Variants in GIGYF2 observed in about 807,000 individuals in gnomAD.
GIGYF2 encodes GRB10-interacting GYF protein 2.
In GIGYF2, 25 loss-of-function variants were observed where a neutral mutation model predicts 208.1. The observed-to-expected ratio is 0.12, with a 90% confidence interval of 0.09 to 0.17. The LOEUF (loss-of-function observed/expected upper bound fraction) is 0.17. Among genes scored for constraint, GIGYF2 ranks in the 10% least tolerant of loss-of-function variants. The pLI is 1.00. For synonymous variants in GIGYF2, 534 were observed against 543.8 expected (o/e 0.98, Z 0.25); for missense variants, 1,302 against 1,579.4 (o/e 0.82, Z 2.98).
intron 21 of GIGYF2, among the ~76,000 whole-genome samples, chr2:232,823,025 G>T (rs1701141136): frequency 6.6e-6 from 1 of 152,056 alleles, no homozygotes; most frequent in Non-Finnish European, 1.5e-5. Flanking sequence ...TTTCTTTCCA[G>T]TCCTAGTTTA....
intron 2 of GIGYF2, among the ~76,000 whole-genome samples, chr2:232,715,835 T>TTTTA (rs11399343): frequency 6.6e-6 from 1 of 151,648 alleles, no homozygotes; most frequent in South Asian, 2.1e-4. Context: ...TTTTTTTTTT[T>TTTTA]AACCTTAAAA....
rs572213109 is a variant in GIGYF2, at chr2:232,806,745, A to G, written c.1806+88A>G. On this transcript the variant is annotated intron_variant, in intron 15 of 28. Transcript: ENST00000373563. The surrounding 1 kb of genome is among the most constrained non-coding windows in gnomAD (Gnocchi z 4.0). The stretch of plus-strand genomic sequence containing the variant: ...AAACACAACCCAAATATATCATCTA[A>G]TGAAGGAATTGTAGTTCTTTGAAAT... The G allele has an allele frequency of 1.1e-6, 1 of 914,624 alleles. No homozygotes were observed. Among genetic ancestry groups the G allele is most frequent in the Non-Finnish European group, 1.8e-6 (1 of 546,750 alleles). 56.7% of individuals were successfully genotyped at this position (914,624 alleles called of 1,614,324 possible).
intron 14 of GIGYF2, among the ~76,000 whole-genome samples, chr2:232,800,899 A>G (rs1700377408): frequency 6.6e-6 from 1 of 151,568 alleles, no homozygotes; most frequent in Non-Finnish European, 1.5e-5. Context: ...TTTTTTTGAG[A>G]CAGAGCCTTG....
intron 5 of GIGYF2, among the ~76,000 whole-genome samples, chr2:232,752,634 G>A (rs937794131): frequency 2.6e-5 from 4 of 151,846 alleles, no homozygotes; most frequent in African/African-American, 7.3e-5. Context: ...TCTGCTTCTC[G>A]GGTTCACGCC....
chr2:232,745,294 G>A (rs1033919954), intron 3 of GIGYF2, among the ~76,000 whole-genome samples: 1 of 152,040 alleles, frequency 6.6e-6, no homozygotes, highest in Non-Finnish European at 1.5e-5. Context: ...GTGAATCCAG[G>A]GCTCCCTGGA....
intron 3 of GIGYF2, chr2:232,735,836 C>A (rs538060154): frequency 3.0e-6 from 3 of 985,356 alleles, no homozygotes; most frequent in East Asian, 2.3e-4. Flanking sequence ...GCTTCCCCCC[C>A]TCCCCTCCTT....
chr2:232,784,890 C>T (rs1689598295), intron 8 of GIGYF2, among the ~76,000 whole-genome samples: 2 of 151,968 alleles, frequency 1.3e-5, no homozygotes, highest in South Asian at 4.2e-4. Context: ...CCCTCATCCC[C>T]TCCCCACTGT....
chr2:232,795,208 A>G (rs1173008911), intron 13 of GIGYF2, among the ~76,000 whole-genome samples: 2 of 152,250 alleles, frequency 1.3e-5, no homozygotes, highest in African/African-American at 4.8e-5. Flanking sequence ...CTTTTTGGAC[A>G]TTAATGGAAT....
At chr2:232,765,113 T>C (rs372214631) in intron 8 of GIGYF2, among the ~76,000 whole-genome samples, 6 of 152,340 alleles carry the variant, frequency 3.9e-5, no homozygotes, top group East Asian at 3.9e-4. Flanking sequence ...ATAGTCACTT[T>C]GATTGAATGC....
intron 8 of GIGYF2, chr2:232,782,792 T>C (rs1386858047): frequency 2.0e-5 from 3 of 152,178 alleles, no homozygotes; most frequent in Non-Finnish European, 4.4e-5. Context: ...TATTCCATTT[T>C]ATAAAAAAGT....
At position 232,780,292 on chromosome 2, in the gene GIGYF2, C is replaced by G. The variant is rs554613859; in HGVS notation, c.533-6858C>G. Among the ~76,000 whole-genome samples, 7 of 152,246 alleles carry G rather than the reference C, an allele frequency of 4.6e-5. No individual in the cohort carries two copies. In the East Asian group the frequency reaches 1.4e-3, roughly 29 times the overall value. ...ATTTAATTTAATTTTTAGATGAATC[C>G]TATTTGGACTTAATAAACTAAGATT... On this transcript the variant is annotated intron_variant, in intron 8 of 28. Transcript: ENST00000373563.
At chr2:232,845,924 C>T (rs1701986428) in intron 26 of GIGYF2, 38 bp downstream of exon 26, 10 of 1,374,676 alleles carry the variant, frequency 7.3e-6, no homozygotes, top group South Asian at 1.2e-5. Context: ...TGTGGAATGA[C>T]AGAGCAGGAC....
At chr2:232,717,361 A>T (rs1696733877) in intron 2 of GIGYF2, among the ~76,000 whole-genome samples, 1 of 152,150 alleles carries the variant, frequency 6.6e-6, no homozygotes, top group Non-Finnish European at 1.5e-5. Flanking sequence ...AAATACATGC[A>T]CAAATGTGAA....
chr2:232,845,824 A>G lies in GIGYF2; in HGVS notation c.3398A>G (p.Asp1133Gly), dbSNP rs1701982138. 2 of 1,613,518 alleles carry G rather than the reference A, an allele frequency of 1.2e-6. No individual in the cohort carries two copies. Among genetic ancestry groups the G allele is most frequent in the South Asian group, 1.1e-5 (1 of 91,078 alleles). The stretch of plus-strand genomic sequence containing the variant: ...TTTCAGGGAGTAAATAAAGCCCAAG[A>G]TGGATTTACGCAGTGGTGTGAACAG... ...KLFQGVNKAQ[D>G]GFTQWCEQML... is the part of the protein sequence containing the mutation. Residue 1133 changes from aspartate (D) to glycine (G), a missense_variant, in exon 26 of 29, where the codon GAT becomes GGT. Coordinates refer to ENST00000373563, the MANE Select transcript of GIGYF2 (RefSeq NM_001103146.3).
chr2:232,723,892 A>G (rs575160693), intron 2 of GIGYF2, among the ~76,000 whole-genome samples: 4 of 142,478 alleles, frequency 2.8e-5, no homozygotes, highest in Non-Finnish European at 6.1e-5. Flanking sequence ...TTTTGCCACC[A>G]CGCCTGGCTA....
At chr2:232,789,117 G>A (rs931744328) in intron 9 of GIGYF2, among the ~76,000 whole-genome samples, 1 of 152,176 alleles carries the variant, frequency 6.6e-6, no homozygotes, top group African/African-American at 2.4e-5. Context: ...TAGTTTAGAT[G>A]TAGGGTCTGT....
chr2:232,730,327 G>A (rs1697406576), intron 2 of GIGYF2: 11 of 524,456 alleles, frequency 2.1e-5, no homozygotes, highest in South Asian at 1.7e-4. Context: ...TTTAGGGGCC[G>A]GGTGCAGTGG....
At chr2:232,704,262 C>T (rs577283971) in intron 2 of GIGYF2, among the ~76,000 whole-genome samples, 2 of 152,162 alleles carry the variant, frequency 1.3e-5, no homozygotes, top group Non-Finnish European at 2.9e-5. Context: ...TTCTAGCATT[C>T]TAGGAAAATG....
chr2:232,812,771 A>G (rs550456051), intron 18 of GIGYF2, among the ~76,000 whole-genome samples: 33 of 152,188 alleles, frequency 2.2e-4, no homozygotes, highest in Non-Finnish European at 4.1e-4. Flanking sequence ...ATTATTTTCG[A>G]TCTCTTTAGC....
Sources: gnomAD v4.1 joint callset for allele counts (sites outside exome capture counted in the v4.1 genomes callset) on GRCh38, gnomAD v4.1.1 for gene constraint, Gnocchi (gnomAD v3.1) non-coding constraint, MANE v1.5 for transcripts, NCBI Gene and HGNC (gene_info 2026-07-23, HGNC 2026-07-21) for gene names.